Variants in ASIC2 observed in about 807,000 individuals in gnomAD.
ASIC2 encodes the protein acid-sensing ion channel 2.
In ASIC2, 25 loss-of-function variants were observed where a neutral mutation model predicts 57.3. That is an observed-to-expected ratio of 0.44 (90% CI 0.32 to 0.61). The LOEUF is 0.61. Among genes scored for constraint, ASIC2 ranks in the 20% least tolerant of loss-of-function variants. The pLI is 0.06. For missense variants in ASIC2, 641 were observed against 738.1 expected, an observed-to-expected ratio of 0.87 and a Z score of 1.52; for synonymous variants, 319 against 307.5, an observed-to-expected ratio of 1.04 and a Z score of -0.39.
intron 1 of ASIC2, among the ~76,000 whole-genome samples, chr17:33,497,235 T>C (rs1222039814): frequency 2.0e-5 from 3 of 152,262 alleles, no homozygotes; most frequent in Non-Finnish European, 4.4e-5. Flanking sequence ...AATGCTGTCT[T>C]GCTCTGGGTC....
chr17:33,742,357 G>A (rs1447251034), intron 1 of ASIC2, among the ~76,000 whole-genome samples: 1 of 151,944 alleles, frequency 6.6e-6, no homozygotes, highest in Non-Finnish European at 1.5e-5. Context: ...TTCTAAAGCT[G>A]GCTGGCTGAC....
At chr17:34,039,237 G>T in intron 1 of ASIC2, 1 of 1,613,912 alleles carries the variant, frequency 6.2e-7, no homozygotes, top group African/African-American at 1.3e-5. Flanking sequence ...TTTCTATTGT[G>T]AGGTCGGACT....
At chr17:33,827,337 C>CTTTTTTTTTTTTTTTTTTATTTTTTTTT (rs375695905) in intron 1 of ASIC2, among the ~76,000 whole-genome samples, 1 of 76,536 alleles carries the variant, frequency 1.3e-5, no homozygotes, top group Non-Finnish European at 2.6e-5. Flanking sequence ...GCAGCTCACT[C>CTTTTTTTTTTTTTTTTTTATTTTTTTTT]TTTTTTTTTT....
chr17:33,632,862 G>T (rs7215581), intron 1 of ASIC2, among the ~76,000 whole-genome samples: 1 of 151,986 alleles, frequency 6.6e-6, no homozygotes, highest in African/African-American at 2.4e-5. Context: ...CTTTCTACTT[G>T]TAGATGACAT....
intron 1 of ASIC2, among the ~76,000 whole-genome samples, chr17:33,184,321 A>T (rs571719062): frequency 3.3e-5 from 5 of 152,322 alleles, no homozygotes; most frequent in African/African-American, 1.2e-4. Context: ...TCTGGAACAT[A>T]TCAGTCAAGA....
At chr17:33,910,600 T>A (rs1051905413) in intron 1 of ASIC2, among the ~76,000 whole-genome samples, 1 of 152,110 alleles carries the variant, frequency 6.6e-6, no homozygotes, top group Non-Finnish European at 1.5e-5. Context: ...GGTCATCTTT[T>A]CCCCCAGACT....
intron 1 of ASIC2, among the ~76,000 whole-genome samples, chr17:33,545,587 A>T (rs1915552337): frequency 1.3e-5 from 2 of 152,010 alleles, no homozygotes; most frequent in South Asian, 4.2e-4. Context: ...AATCACAATG[A>T]TTCTCCTCTT....
chr17:33,704,753 T>C (rs1908813220), intron 1 of ASIC2, among the ~76,000 whole-genome samples: 1 of 152,216 alleles, frequency 6.6e-6, no homozygotes, highest in Admixed American at 6.5e-5. Flanking sequence ...CTGGAGCTTC[T>C]AAACTGTACT....
intron 1 of ASIC2, among the ~76,000 whole-genome samples, chr17:33,494,338 A>C (rs1401309286): frequency 6.6e-6 from 1 of 151,994 alleles, no homozygotes; most frequent in Non-Finnish European, 1.5e-5. Context: ...TCCATCATGC[A>C]TGGGTCGTTG....
intron 1 of ASIC2, among the ~76,000 whole-genome samples, chr17:33,721,649 G>A (rs1201558325): frequency 6.6e-6 from 1 of 152,254 alleles, no homozygotes; most frequent in African/African-American, 2.4e-5. Flanking sequence ...AGCCTCCTGA[G>A]TATCTGGATT....
chr17:33,382,482 T>C (rs527972555), intron 1 of ASIC2, among the ~76,000 whole-genome samples: 2 of 152,292 alleles, frequency 1.3e-5, no homozygotes, highest in South Asian at 4.1e-4. Context: ...CAGTATCTCT[T>C]ATGCTACAAA....
At chr17:33,659,892 A>G (rs928226775) in intron 1 of ASIC2, among the ~76,000 whole-genome samples, 5 of 148,330 alleles carry the variant, frequency 3.4e-5, no homozygotes, top group Non-Finnish European at 7.5e-5. Context: ...ATAAATAAAT[A>G]AATAAATAAA....
At chr17:33,358,281 G>T (rs1289931098) in intron 1 of ASIC2, among the ~76,000 whole-genome samples, 1 of 152,168 alleles carries the variant, frequency 6.6e-6, no homozygotes, top group Non-Finnish European at 1.5e-5. Context: ...AGTCAGAGAC[G>T]ATATGGTCTG....
In ASIC2 at chr17:33,433,284, C is replaced by T. The variant is rs148336811; in HGVS notation, c.556-321217G>A. On this transcript the variant is annotated intron_variant, in intron 1 of 9. Coordinates refer to the ASIC2 transcript ENST00000359872. ...TGGAGCTGGAGGCCATCATCCTTAG[C>T]AAACTAACACAGGAACAGAAAACCA... 7.1e-3 allele frequency among the ~76,000 whole-genome samples: 1,079 copies of T among 152,312 alleles called. 47 individuals are homozygous for T. The East Asian group carries it at 0.097, about 14-fold the overall frequency.
chr17:33,677,194 C>G (rs2142055133), intron 1 of ASIC2, among the ~76,000 whole-genome samples: 1 of 152,310 alleles, frequency 6.6e-6, no homozygotes, highest in East Asian at 1.9e-4. Flanking sequence ...GTAGACAAAA[C>G]AGCCTTATAT....
intron 1 of ASIC2, among the ~76,000 whole-genome samples, chr17:33,503,716 C>T (rs1837962913): frequency 6.6e-6 from 1 of 152,170 alleles, no homozygotes; most frequent in South Asian, 2.1e-4. Flanking sequence ...TGGCACTGGA[C>T]TGACTGCAGT....
chr17:33,826,040 AT>A (rs1294582115), intron 1 of ASIC2, among the ~76,000 whole-genome samples: 18 of 152,308 alleles, frequency 1.2e-4, no homozygotes, highest in African/African-American at 4.3e-4. Context: ...GGATACTTTA[AT>A]GGTACACTGA....
At chr17:33,607,982 C>A (rs770614658) in intron 1 of ASIC2, among the ~76,000 whole-genome samples, 6 of 152,104 alleles carry the variant, frequency 3.9e-5, no homozygotes, top group African/African-American at 7.2e-5. Context: ...AGGATCCTAC[C>A]CATGGGCTGT....
intron 2 of ASIC2, among the ~76,000 whole-genome samples, chr17:33,106,967 C>G (rs1254474122): frequency 2.6e-5 from 4 of 152,188 alleles, no homozygotes; most frequent in Non-Finnish European, 4.4e-5. Flanking sequence ...GGGTTCCACT[C>G]ATTCCTGAGG....
Sources: gnomAD v4.1 joint callset for allele counts (sites outside exome capture counted in the v4.1 genomes callset) on GRCh38, gnomAD v4.1.1 for gene constraint, MANE v1.5 for transcripts, NCBI Gene and HGNC (gene_info 2026-07-23, HGNC 2026-07-21) for gene names.